IL20RA: variants seen among roughly 807,000 people sequenced by gnomAD.
The protein encoded by IL20RA is interleukin-20 receptor subunit alpha.
In IL20RA, 29 loss-of-function variants were observed where a neutral mutation model predicts 36.5. The ratio of observed to expected loss-of-function variants is 0.79; its 90% CI spans 0.59 to 1.08. IL20RA has a LOEUF of 1.08. IL20RA is among the 50% of genes least tolerant of loss of function. The probability of loss-of-function intolerance (pLI) is 0.00; values close to 1 mark genes in which losing one functional copy is unlikely to be tolerated. For synonymous variants in IL20RA, 279 were observed against 267.1 expected (o/e 1.04, Z -0.43); for missense variants, 652 against 668.4 (o/e 0.98, Z 0.27).
chr6:137,044,724 C>A lies in IL20RA; in HGVS notation c.5G>T (p.Arg2Leu). 8.2e-7 allele frequency: 1 copy of A among 1,218,804 alleles called. No individual in the cohort carries two copies. The highest frequency in any genetic ancestry group is 4.1e-5 in the South Asian group (1 of 24,304). 75.5% of individuals were successfully genotyped at this position (1,218,804 alleles called of 1,614,324 possible). A position where few individuals can be genotyped will look rare whatever the true frequency, so the allele number is the denominator to read the frequency against. Reference sequence around the variant, plus strand: ...CCGCAGGGCCGGGCGGCCGGGAGCCCGCATGGGCGGCGGGGCTGGGTCACA... The same window carrying A: ...CCGCAGGGCCGGGCGGCCGGGAGCCAGCATGGGCGGCGGGGCTGGGTCACA... Reference protein sequence around the residue: MRAPGRPALRPL... With the variant: MLAPGRPALRPL... Residue 2 changes from arginine (R) to leucine (L), a missense_variant, in exon 1 of 7, where the codon CGG (arginine) becomes CTG (leucine). Arg to Leu is a moderately radical substitution (Grantham distance 102). Coordinates refer to ENST00000316649, the MANE Select transcript of IL20RA (RefSeq NM_014432.4).
intron 1 of IL20RA, among the ~76,000 whole-genome samples, chr6:137,036,067 T>C (rs1289203598): frequency 3.9e-5 from 6 of 152,208 alleles, no homozygotes; most frequent in African/African-American, 1.2e-4. Context: ...TAAGTACCCA[T>C]TGACAGCTCT....
At chr6:137,029,997 G>C (rs1349172883) in intron 1 of IL20RA, among the ~76,000 whole-genome samples, 1 of 146,406 alleles carries the variant, frequency 6.8e-6, no homozygotes, top group Non-Finnish European at 1.5e-5. Context: ...AAGAGCATTA[G>C]AGAAAGGGAG....
intron 1 of IL20RA, among the ~76,000 whole-genome samples, chr6:137,032,052 C>CAAA (rs11379045): frequency 1.6e-4 from 10 of 61,888 alleles, no homozygotes; most frequent in South Asian, 5.3e-4. Context: ...GATTCTGTCT[C>CAAA]AAAAAAAAAA....
At position 137,004,662 on chromosome 6, in the gene IL20RA, G is replaced by A. The variant is rs201653928; in HGVS notation, c.823C>T (p.Arg275Ter). 25 of 1,613,152 alleles carry A rather than the reference G, an allele frequency of 1.5e-5. No individual in the cohort carries two copies. The highest frequency in any genetic ancestry group is 1.6e-4 in the Middle Eastern group (1 of 6,084). Residue 275 changes from arginine (R) to a stop codon, truncating the protein, a stop_gained, in exon 6 of 7, where the codon CGA becomes TGA. Transcript: ENST00000316649. LOFTEE classifies it low-confidence loss of function (END_TRUNC). ...LFSVMGYSIY[R>*]YIHVGKEKHP... is the part of the protein sequence containing the mutation. ...TTCTCTTTGCCAACGTGGATATATC[G>A]GTAGATGGAATAGCCCATCACAGAA...
At chr6:137,014,174 C>T (rs1029119639) in intron 2 of IL20RA, among the ~76,000 whole-genome samples, 4 of 152,122 alleles carry the variant, frequency 2.6e-5, no homozygotes, top group Admixed American at 6.6e-5. Flanking sequence ...CACTGTGAGT[C>T]GCTGCTGAAG....
chr6:137,043,164 A>G (rs936209482), intron 1 of IL20RA, among the ~76,000 whole-genome samples: 1 of 152,154 alleles, frequency 6.6e-6, no homozygotes. Flanking sequence ...ACTGGAGTGC[A>G]GTGGCGTGAT....
intron 5 of IL20RA, 58 bp downstream of exon 5, chr6:137,008,541 C>A: frequency 1.3e-6 from 2 of 1,493,662 alleles, no homozygotes; most frequent in South Asian, 1.4e-5. Flanking sequence ...ACCATCATAC[C>A]GACTTCTAGT....
intron 5 of IL20RA, among the ~76,000 whole-genome samples, chr6:137,005,590 G>T: frequency 6.6e-6 from 1 of 152,146 alleles, no homozygotes. Context: ...CAGTTGGCTA[G>T]GCCACAGTAT....
intron 1 of IL20RA, among the ~76,000 whole-genome samples, chr6:137,019,518 G>A (rs997160699): frequency 6.6e-6 from 1 of 152,130 alleles, no homozygotes; most frequent in African/African-American, 2.4e-5. Context: ...ATAACTTGGA[G>A]TAAAAGAAAT....
chr6:137,003,390 C>G (rs1021348681), intron 6 of IL20RA, among the ~76,000 whole-genome samples: 3 of 152,178 alleles, frequency 2.0e-5, no homozygotes, highest in Non-Finnish European at 1.5e-5. Flanking sequence ...GCACATTGTC[C>G]CACCTCTGTG....
Position 137,002,269 on chromosome 6 carries a change from C to A in IL20RA, c.951G>T (p.Ser317=). Residue 317 remains serine, a synonymous_variant, in exon 7 of 7, where the codon TCG becomes TCT. Transcript: ENST00000316649. ...IVINFITLNI[S]DDSKISHQDM... ...CCTGATGAGAAATTTTAGAATCATC[C>A]GAGATATTGAGGGTGATAAAGTTAA... 6.2e-7 allele frequency: 1 copy of A among 1,613,404 alleles called. No homozygotes were observed. The highest frequency in any genetic ancestry group is 8.5e-7 in the Non-Finnish European group (1 of 1,179,618).
intron 1 of IL20RA, among the ~76,000 whole-genome samples, chr6:137,019,194 T>C (rs561051277): frequency 4.6e-5 from 7 of 151,952 alleles, no homozygotes; most frequent in Non-Finnish European, 8.8e-5. Flanking sequence ...TGGCATGACC[T>C]CAGCTCACTG....
rs1385011602 is a variant in IL20RA at position 137,002,036 on chromosome 6, T to A, written c.1184A>T (p.Asp395Val). 1 of 1,614,204 alleles carries A rather than the reference T, an allele frequency of 6.2e-7. No individual in the cohort carries two copies. Among genetic ancestry groups the A allele is most frequent in the South Asian group, 1.1e-5 (1 of 91,072 alleles). The change falls in exon 7 of 7, where the codon GAT becomes GTT. Residue 395 changes from aspartate to valine, a missense_variant. Asp to Val is a radical substitution (Grantham distance 152, BLOSUM62 -3). Coordinates refer to ENST00000316649, the MANE Select transcript of IL20RA (RefSeq NM_014432.4). ...QESLSRTIPP[D>V]KTVIEYEYDV... is the part of the protein sequence containing the mutation. ...ATATTCATATTCAATGACTGTTTTA[T>A]CCGGGGGTATTGTTCTGCTGAGGGA...
chr6:137,027,406 T>G (rs1321576668), intron 1 of IL20RA, among the ~76,000 whole-genome samples: 1 of 152,230 alleles, frequency 6.6e-6, no homozygotes, highest in Non-Finnish European at 1.5e-5. Flanking sequence ...ATACTGTCCA[T>G]TCTTACAAGG....
chr6:137,031,724 G>A (rs1562240982), intron 1 of IL20RA, among the ~76,000 whole-genome samples: 3 of 151,808 alleles, frequency 2.0e-5, no homozygotes. Context: ...GTATAATCCT[G>A]TATCAGGTTG....
Position 137,044,669 on chromosome 6 carries a change from C to T in IL20RA, c.60G>A (p.Leu20=), listed in dbSNP as rs543630562. ...RPLPLPPLLL[L]LLAAPWGRAV... ...CCCGTCCCCAAGGCGCCGCCAGGAG[C>T]AACAGCAGCAGCGGCGGCAGCGGCA... is the stretch of plus-strand genomic sequence containing the variant. The change falls in exon 1 of 7, where the codon TTG becomes TTA. Residue 20 remains leucine, a synonymous_variant. Transcript: ENST00000316649. The T allele has an allele frequency of 2.7e-4, 325 of 1,224,296 alleles. 2 individuals are homozygous for T. The African/African-American group carries it at 4.6e-3, about 17-fold the overall frequency. 75.8% of individuals were successfully genotyped at this position (1,224,296 alleles called of 1,614,324 possible).
At chr6:137,014,699 T>G (rs186433225) in intron 2 of IL20RA, among the ~76,000 whole-genome samples, 1 of 152,012 alleles carries the variant, frequency 6.6e-6, no homozygotes, top group South Asian at 2.1e-4. Flanking sequence ...ACACTTATAG[T>G]TCCCCCCCCC....
At chr6:137,018,513 C>CATGTGTGTGT (rs749921946) in intron 1 of IL20RA, among the ~76,000 whole-genome samples, 1 of 142,816 alleles carries the variant, frequency 7.0e-6, no homozygotes, top group East Asian at 2.1e-4. Context: ...CTGCCGTGTG[C>CATGTGTGTGT]GTGTGTGTGT....
At chr6:137,004,489 T>A in intron 6 of IL20RA, 132 bp downstream of exon 6, 1 of 960,594 alleles carries the variant, frequency 1.0e-6, no homozygotes, top group Non-Finnish European at 1.6e-6. Flanking sequence ...AAACTGTTTT[T>A]TAATTCACCA....
Sources: allele counts gnomAD v4.1 joint callset (sites outside exome capture counted in the v4.1 genomes callset), GRCh38; gene constraint gnomAD v4.1.1; transcripts MANE v1.5; gene names NCBI Gene and HGNC (gene_info 2026-07-23, HGNC 2026-07-21).